The following RIC8B variants were observed in gnomAD, a reference collection of about 807,000 sequenced individuals.
The protein encoded by RIC8B is RIC8 guanine nucleotide exchange factor B, also known as chaperone Ric-8B.
A neutral mutation model predicts 57.5 loss-of-function variants in RIC8B; 16 were observed. That is an observed-to-expected ratio of 0.28 (90% confidence interval 0.19 to 0.42). The LOEUF (loss-of-function observed/expected upper bound fraction) is 0.42. Among genes scored for constraint, RIC8B ranks in the 10% least tolerant of loss-of-function variants. The pLI is 1.00. For synonymous variants in RIC8B, 216 were observed against 250.8 expected (o/e 0.86, Z 1.31); for missense variants, 481 against 677.0 (o/e 0.71, Z 3.21).
intron 9 of RIC8B, among the ~76,000 whole-genome samples, chr12:106,884,277 G>A (rs1406845742): frequency 6.6e-6 from 1 of 152,176 alleles, no homozygotes; most frequent in African/African-American, 2.4e-5. Flanking sequence ...GGCAGCAGCT[G>A]TACCCAGTCT....
chr12:106,876,370 ATTC>A (rs1401932213), intron 9 of RIC8B, among the ~76,000 whole-genome samples: 1 of 152,190 alleles, frequency 6.6e-6, no homozygotes, highest in Non-Finnish European at 1.5e-5. Flanking sequence ...AATTTTACCT[ATTC>A]TTTTTCAATG....
chr12:106,824,727 C>G (rs2046015709), intron 3 of RIC8B, among the ~76,000 whole-genome samples: 1 of 151,534 alleles, frequency 6.6e-6, no homozygotes, highest in Non-Finnish European at 1.5e-5. Flanking sequence ...GAAACCCTGT[C>G]TCTACTAAAA....
chr12:106,791,289 T>C (rs953529871), intron 2 of RIC8B, among the ~76,000 whole-genome samples: 52 of 152,220 alleles, frequency 3.4e-4, no homozygotes, highest in African/African-American at 1.2e-3. Context: ...ATATTTTTCT[T>C]TTCTGTTTTT....
chr12:106,868,848 CTTTTTTT>C (rs572218268), intron 8 of RIC8B, among the ~76,000 whole-genome samples: 8 of 85,538 alleles, frequency 9.4e-5, no homozygotes, highest in African/African-American at 1.8e-4. Context: ...GAGGCCCAAG[CTTTTTTT>C]TTTTTTTTTT....
chr12:106,856,334 A>G (rs531578221), intron 7 of RIC8B, among the ~76,000 whole-genome samples: 5 of 152,322 alleles, frequency 3.3e-5, no homozygotes, highest in Admixed American at 1.3e-4. Context: ...TGTTGCCTGC[A>G]TGGTAAAAAC....
intron 2 of RIC8B, among the ~76,000 whole-genome samples, chr12:106,807,428 T>G (rs1028636128): frequency 6.6e-6 from 1 of 152,228 alleles, no homozygotes; most frequent in African/African-American, 2.4e-5. Flanking sequence ...ATGCTTCACC[T>G]TCTGAGCATT....
intron 8 of RIC8B, 113 bp from the exon 9 acceptor site, chr12:106,870,710 C>A: frequency 1.3e-6 from 1 of 744,608 alleles, no homozygotes; most frequent in Non-Finnish European, 2.0e-6. Context: ...GAAATTATTG[C>A]CAATTTTTTG....
At chr12:106,784,726 CAA>C (rs2043926092) in intron 2 of RIC8B, among the ~76,000 whole-genome samples, 1 of 152,170 alleles carries the variant, frequency 6.6e-6, no homozygotes, top group African/African-American at 2.4e-5. Flanking sequence ...CAGAACCAAA[CAA>C]GAGAGTATGA....
chr12:106,833,594 C>G (rs562869346), intron 4 of RIC8B, among the ~76,000 whole-genome samples: 40 of 151,922 alleles, frequency 2.6e-4, no homozygotes, highest in African/African-American at 5.6e-4. Context: ...GAGTGAGACT[C>G]TGTCTCAAAA....
At chr12:106,826,501 C>A (rs2046104375) in intron 4 of RIC8B, among the ~76,000 whole-genome samples, 1 of 151,814 alleles carries the variant, frequency 6.6e-6, no homozygotes, top group African/African-American at 2.4e-5. Flanking sequence ...TGCCTGTAAA[C>A]CCAACACTTT....
chr12:106,842,745 C>T lies in RIC8B; in HGVS notation c.993C>T (p.Thr331=), dbSNP rs1232087957. The T allele has an allele frequency of 3.1e-6, 5 of 1,613,698 alleles. No individual in the cohort carries two copies. The highest frequency in any genetic ancestry group is 4.2e-6 in the Non-Finnish European group (5 of 1,179,744). The part of the protein sequence containing the change: ...AEKETVLKNN[T]MVYNGMNMEA... ...AAGAAACAGTTTTGAAAAACAATAC[C>T]ATGGTATACAATGGTATGAATATGG... Residue 331 remains threonine, a synonymous_variant, in exon 5 of 10, where the codon ACC becomes ACT. Transcript: ENST00000392837.
chr12:106,875,899 C>G (rs1950640453), intron 9 of RIC8B, among the ~76,000 whole-genome samples: 1 of 152,086 alleles, frequency 6.6e-6, no homozygotes, highest in Middle Eastern at 3.4e-3. Flanking sequence ...TTTAAACTGA[C>G]TAAGGCTGAG....
At position 106,870,804 on chromosome 12, in the gene RIC8B, CTTTT is replaced by C; in HGVS notation, c.1452-14_1452-11del. ...CATAATTTTAAAACATACAGCATAA[CTTTT>C]TTTTCTTTTTGTAGCATTAATCTTA... On this transcript the variant is annotated splice_polypyrimidine_tract_variant and intron_variant, in intron 8 of 9. Transcript: ENST00000392837. 1 of 1,482,902 alleles carries C rather than the reference CTTTT, an allele frequency of 6.7e-7. No homozygotes were observed. Among genetic ancestry groups the C allele is most frequent in the Non-Finnish European group, 9.0e-7 (1 of 1,113,806 alleles). The allele number at this position is 1,482,902 out of a possible 1,614,324, so 91.9% of individuals were successfully genotyped here. A position where few individuals can be genotyped will look rare whatever the true frequency, so the allele number is the denominator to read the frequency against.
chr12:106,857,263 C>T (rs369704344), intron 7 of RIC8B, among the ~76,000 whole-genome samples: 3 of 152,264 alleles, frequency 2.0e-5, no homozygotes, highest in East Asian at 3.9e-4. Flanking sequence ...CTAGTTGAGT[C>T]TTCTAAAAGT....
intron 2 of RIC8B, among the ~76,000 whole-genome samples, chr12:106,786,113 G>T (rs1038878878): frequency 6.9e-6 from 1 of 145,664 alleles, no homozygotes; most frequent in African/African-American, 2.6e-5. Flanking sequence ...GATCACAGGT[G>T]TGAGCCACCA....
At chr12:106,843,764 A>T in intron 5 of RIC8B, 88 bp from the exon 6 acceptor site, 1 of 901,358 alleles carries the variant, frequency 1.1e-6, no homozygotes, top group Non-Finnish European at 1.7e-6. Flanking sequence ...TCAAAAACAA[A>T]TTGATATCCT....
At chr12:106,845,859 C>T (rs1949164993) in intron 6 of RIC8B, among the ~76,000 whole-genome samples, 1 of 152,144 alleles carries the variant, frequency 6.6e-6, no homozygotes, top group Non-Finnish European at 1.5e-5. Flanking sequence ...CTCAACTTTG[C>T]CAAAGCTAAT....
chr12:106,825,846 C>T, intron 4 of RIC8B, 26 bp downstream of exon 4: 1 of 1,410,798 alleles, frequency 7.1e-7, no homozygotes, highest in Non-Finnish European at 1.0e-6. Flanking sequence ...ATTGATATCC[C>T]AATGAAGGAC....
chr12:106,842,798 T>C lies in RIC8B; in HGVS notation c.1046T>C (p.Met349Thr), dbSNP rs753107837. Residue 349 changes from methionine (M) to threonine (T), a missense_variant, in exon 5 of 10, where the codon ATG becomes ACG. Coordinates refer to ENST00000392837, the MANE Select transcript of RIC8B (RefSeq NM_001330145.2). The stretch of plus-strand genomic sequence containing the variant: ...GCCATTCATGTTTTACTGAATTTTA[T>C]GGAGAAGAGAATAGACAAGGTAAGG... ...MEAIHVLLNF[M>T]EKRIDKGSSY... 6.2e-6 allele frequency: 10 copies of C among 1,608,562 alleles called. No homozygotes were observed. Among genetic ancestry groups the C allele is most frequent in the Non-Finnish European group, 1.7e-6 (2 of 1,175,206 alleles).
Sources: allele counts gnomAD v4.1 joint callset (sites outside exome capture counted in the v4.1 genomes callset), GRCh38; gene constraint gnomAD v4.1.1; transcripts MANE v1.5; gene names NCBI Gene and HGNC (gene_info 2026-07-23, HGNC 2026-07-21).